Variants in LAMA5 observed in about 807,000 individuals in gnomAD.
LAMA5 encodes laminin subunit alpha 5.
Under a neutral mutation model 433.4 loss-of-function variants are expected in LAMA5, and 260 were observed. That is an observed-to-expected ratio of 0.60 (90% CI 0.54 to 0.66). The LOEUF is 0.66. Ranked by LOEUF, LAMA5 falls within the 30% of genes least tolerant of loss-of-function variation. The probability of loss-of-function intolerance (pLI) is 0.00; values close to 1 mark genes in which losing one functional copy is unlikely to be tolerated. For synonymous variants in LAMA5, 2,620 were observed against 2,226.6 expected (o/e 1.18, Z -4.97); for missense variants, 5,378 against 5,258.5 (o/e 1.02, Z -0.70).
At chr20:62,345,747 G>A (rs1046195263) in intron 11 of LAMA5, 71 bp downstream of exon 11, 3 of 1,109,946 alleles carry the variant, frequency 2.7e-6, no homozygotes, top group African/African-American at 3.1e-5. Flanking sequence ...CCTTTCTCCA[G>A]GAACTTTCTG....
rs1980959891 is a variant in LAMA5, at chr20:62,333,714, G to A, written c.2879-8C>T. The A allele has an allele frequency of 8.2e-6, 13 of 1,577,448 alleles. No individual in the cohort carries two copies. The highest frequency in any genetic ancestry group is 1.1e-5 in the Non-Finnish European group (13 of 1,162,686). ...GCTGACTCTGTGCTGTGCCTGGGCG[G>A]GGGCAGGGGTGAGACTCCTGAGCCC... On this transcript the variant is annotated splice_region_variant and splice_polypyrimidine_tract_variant and intron_variant, in intron 23 of 79. Coordinates refer to ENST00000252999, the MANE Select transcript of LAMA5 (RefSeq NM_005560.6).
chr20:62,328,946 T>C lies in LAMA5; in HGVS notation c.4345A>G (p.Thr1449Ala). 3 of 1,612,028 alleles carry C rather than the reference T, an allele frequency of 1.9e-6. No individual in the cohort carries two copies. The highest frequency in any genetic ancestry group is 2.5e-6 in the Non-Finnish European group (3 of 1,179,424). Residue 1449 changes from threonine (T) to alanine (A), a missense_variant, in exon 34 of 80, where the codon ACG becomes GCG. Transcript: ENST00000252999. ...GCHEVGATGP[T>A]CEPFGGQCPC... is the part of the protein sequence containing the mutation. ...CACTGGCCCCCGAAGGGCTCACACG[T>C]GGGGCCTGTAGCACCTACTTCGTGG...
At position 62,312,881 on chromosome 20, in the gene LAMA5, G is replaced by A. The variant is rs577870137; in HGVS notation, c.9078+7C>T. ...CCCTGCCACCCTGGTCCCCACCCTG[G>A]CCCTACCGCCTTGCTGGCCGAGGTC... On this transcript the variant is annotated splice_region_variant and intron_variant, in intron 66 of 79. Coordinates refer to ENST00000252999, the MANE Select transcript of LAMA5 (RefSeq NM_005560.6). The A allele has an allele frequency of 4.4e-6, 7 of 1,591,878 alleles. No homozygotes were observed. Among genetic ancestry groups the A allele is most frequent in the Middle Eastern group, 1.7e-4 (1 of 5,964 alleles).
At chr20:62,361,567 T>C (rs1305381979) in intron 2 of LAMA5, among the ~76,000 whole-genome samples, 2 of 152,212 alleles carry the variant, frequency 1.3e-5, no homozygotes, top group African/African-American at 4.8e-5. Context: ...AAGACCGATG[T>C]GTCACACACT....
Position 62,322,773 on chromosome 20 carries a change from C to A in LAMA5, c.6065-15G>T. 1 of 1,448,030 alleles carries A rather than the reference C, an allele frequency of 6.9e-7. No individual in the cohort carries two copies. The highest frequency in any genetic ancestry group is 9.1e-7 in the Non-Finnish European group (1 of 1,093,672). The allele number at this position is 1,448,030 out of a possible 1,614,324, so 89.7% of individuals were successfully genotyped here. A position where few individuals can be genotyped will look rare whatever the true frequency, so the allele number is the denominator to read the frequency against. The stretch of plus-strand genomic sequence containing the variant: ...ACAGTCGCACCCTGCAGAAGGGGTC[C>A]GTGACTGCAGCCCTGGGCCCTCTCA... On this transcript the variant is annotated splice_polypyrimidine_tract_variant and intron_variant, in intron 45 of 79. Transcript: ENST00000252999.
At chr20:62,315,336 C>A in intron 58 of LAMA5, 129 bp from the exon 59 acceptor site, 1 of 760,356 alleles carries the variant, frequency 1.3e-6, no homozygotes, top group East Asian at 2.7e-5. Context: ...GACCCTCACA[C>A]CCCGCTGCTC....
rs1161275001 is a variant in LAMA5 at position 62,355,220 on chromosome 20, G to GTGTGCCC, written c.451-1970_451-1969insGGGCACA. Reference sequence around the variant, plus strand: ...AGGGCCACCCACCACACCTCCTCGGGACCCTGACCCGCCAGTGCCCACTCC... The same window carrying GTGTGCCC: ...AGGGCCACCCACCACACCTCCTCGGGTGTGCCCACCCTGACCCGCCAGTGCCCACTCC... On this transcript the variant is annotated intron_variant, in intron 2 of 79. Transcript: ENST00000252999. 3.3e-5 allele frequency: 5 copies of GTGTGCCC among 152,306 alleles called. No individual in the cohort carries two copies. In the South Asian group the frequency reaches 6.2e-4, roughly 19 times the overall value. The allele number at this position is 152,306 out of a possible 1,614,324, so 9.4% of individuals were successfully genotyped here.
In LAMA5 at chr20:62,313,988, AGT is replaced by A. The variant is rs548815579; in HGVS notation, c.8505-188_8505-187del. Among the ~76,000 whole-genome samples the A allele has an allele frequency of 0.5, 8,725 of 17,432 alleles. 3,954 individuals carry two copies. The highest frequency in any genetic ancestry group is 0.87 in the East Asian group (644 of 744). The allele number at this position is 17,432 out of a possible 152,430, so 11.4% of individuals were successfully genotyped here. A position where few individuals can be genotyped will look rare whatever the true frequency, so the allele number is the denominator to read the frequency against. On this transcript the variant is annotated intron_variant, in intron 62 of 79. Transcript: ENST00000252999. The stretch of plus-strand genomic sequence containing the variant: ...CGAGTGGGCACAGAGACGGGTGGCG[AGT>A]GGGCACAGAGACGAGGGGTGGCGAG...
Position 62,310,949 on chromosome 20 carries a change from G to A in LAMA5, c.10234C>T (p.Leu3412Phe). The change falls in exon 74 of 80, where the codon CTC becomes TTC. Residue 3412 changes from leucine (L) to phenylalanine (F), a missense_variant. Transcript: ENST00000252999. Reference sequence around the variant, plus strand: ...GAGCGCTGGCGGCTCTGGGCGCGGAGCCGAGTCCCGAGGCCTTCCATCTGT... The same window carrying A: ...GAGCGCTGGCGGCTCTGGGCGCGGAACCGAGTCCCGAGGCCTTCCATCTGT... ...VAQMEGLGTR[L>F]RAQSRQRSRP... is the part of the protein sequence containing the mutation. The A allele has an allele frequency of 6.2e-7, 1 of 1,611,310 alleles. No homozygotes were observed. The highest frequency in any genetic ancestry group is 8.5e-7 in the Non-Finnish European group (1 of 1,179,540).
chr20:62,311,298 G>C lies in LAMA5; in HGVS notation c.9952C>G (p.Arg3318Gly). 1 of 1,582,880 alleles carries C rather than the reference G, an allele frequency of 6.3e-7. No individual in the cohort carries two copies. The highest frequency in any genetic ancestry group is 8.6e-7 in the Non-Finnish European group (1 of 1,167,326). ...LQATARKASR[R>G]SRQPARHPAC... ...GGATGCCGGGCGGGCTGACGGCTGCGGCGGGAGGCCTGGGGGCGTGGATGG... is the reference window on the plus strand; with the variant it reads ...GGATGCCGGGCGGGCTGACGGCTGCCGCGGGAGGCCTGGGGGCGTGGATGG... The change falls in exon 73 of 80, where the codon CGC becomes GGC. Residue 3318 changes from arginine to glycine, a missense_variant. Transcript: ENST00000252999.
chr20:62,314,619 C>A lies in LAMA5; in HGVS notation c.8303G>T (p.Gly2768Val), dbSNP rs779522938. 3 of 1,612,364 alleles carry A rather than the reference C, an allele frequency of 1.9e-6. No individual in the cohort carries two copies. The highest frequency in any genetic ancestry group is 1.7e-5 in the Admixed American group (1 of 59,988). ...AYTALKFYLQ[G>V]PEPEPGQGTE... ...ACCCTGCCCAGGCTCAGGCTCTGGG[C>A]CCTGCAGGTAGAACTTGAGGGCAGT... Residue 2768 changes from glycine (G) to valine (V), a missense_variant, in exon 61 of 80, where the codon GGC becomes GTC. Coordinates refer to ENST00000252999, the MANE Select transcript of LAMA5 (RefSeq NM_005560.6).
chr20:62,343,939 G>A (rs917070675), intron 11 of LAMA5, among the ~76,000 whole-genome samples: 1 of 151,684 alleles, frequency 6.6e-6, no homozygotes, highest in Non-Finnish European at 1.5e-5. Flanking sequence ...GAGGTTGGGA[G>A]TTCGAGACCA....
rs78780333 is a variant in LAMA5, at chr20:62,320,938, G to T, written c.6497-48C>A. 2.1e-3 allele frequency: 3,263 copies of T among 1,567,198 alleles called. 72 individuals are homozygous for T. The African/African-American group carries it at 0.039, about 19-fold the overall frequency. ...GGTCAGTGTCATTGGGTCAGGCCAG[G>T]GGAGAATGATCAGCTGGGGCCCTGG... On this transcript the variant is annotated intron_variant, in intron 48 of 79. Transcript: ENST00000252999.
rs144663732 is a variant in LAMA5, at chr20:62,337,274, G to C, written c.2164+316C>G. Among the ~76,000 whole-genome samples the C allele has an allele frequency of 6.9e-3, 1,050 of 152,126 alleles. 11 individuals are homozygous for C. Among genetic ancestry groups the C allele is most frequent in the African/African-American group, 0.023 (973 of 41,500 alleles). ...CCACGTGACACACAAACCCACTTAC[G>C]TGACACAGGCACCCACACTTAGGTG... is the stretch of plus-strand genomic sequence containing the variant. On this transcript the variant is annotated intron_variant, in intron 16 of 79. Coordinates refer to ENST00000252999, the MANE Select transcript of LAMA5 (RefSeq NM_005560.6).
chr20:62,362,180 C>T (rs934433898), intron 2 of LAMA5, among the ~76,000 whole-genome samples: 1 of 152,266 alleles, frequency 6.6e-6, no homozygotes, highest in African/African-American at 2.4e-5. Flanking sequence ...CACCCGCTTT[C>T]CCTGTGTCAT....
At chr20:62,310,335 G>T in intron 76 of LAMA5, 24 bp from the exon 77 acceptor site, 1 of 1,581,596 alleles carries the variant, frequency 6.3e-7, no homozygotes, top group Non-Finnish European at 8.6e-7. Flanking sequence ...TTGTGATGGA[G>T]AAGAAAGGGG....
chr20:62,310,739 C>G lies in LAMA5; in HGVS notation c.10372G>C (p.Gly3458Arg). The G allele has an allele frequency of 1.3e-6, 2 of 1,580,816 alleles. No individual in the cohort carries two copies. The highest frequency in any genetic ancestry group is 1.7e-6 in the Non-Finnish European group (2 of 1,166,440). The change falls in exon 75 of 80, where the codon GGG becomes CGG. Residue 3458 changes from glycine (G) to arginine (R), a missense_variant. By Grantham distance (125) the Gly-to-Arg change is moderately radical. Coordinates refer to ENST00000252999, the MANE Select transcript of LAMA5 (RefSeq NM_005560.6). ...GTGTGGGGCTGGGGGTGCTCTGCCCCCTGGTGCTGCCGGTGCGGCCCCTCC... is the reference window on the plus strand; with the variant it reads ...GTGTGGGGCTGGGGGTGCTCTGCCCGCTGGTGCTGCCGGTGCGGCCCCTCC... Reference protein sequence around the residue: ...SQEGPHRQHQGAEHPQPHTLF... With the variant: ...SQEGPHRQHQRAEHPQPHTLF...
At chr20:62,318,333 G>GGAGGGGAGGACGGAGGGAGGGGAGGAC in intron 53 of LAMA5, 121 bp downstream of exon 53, 1 of 450,334 alleles carries the variant, frequency 2.2e-6, no homozygotes, top group East Asian at 3.4e-5. Flanking sequence ...GGAGGACGAG[G>GGAGGGGAGGACGGAGGGAGGGGAGGAC]GAGGGGAGGA....
chr20:62,310,509 G>C lies in LAMA5; in HGVS notation c.10510C>G (p.Pro3504Ala). 1 of 1,555,138 alleles carries C rather than the reference G, an allele frequency of 6.4e-7. No homozygotes were observed. ...GGTGTGACCCCTGCCATCCGTGTGG[G>C]GGCCCCCAGGGGCCTCCCGTGCAGC... ...LRLHGRPLGA[P>A]TRMAGVTPCI... The change falls in exon 76 of 80, where the codon CCC becomes GCC. Residue 3504 changes from proline (P) to alanine (A), a missense_variant. Coordinates refer to ENST00000252999, the MANE Select transcript of LAMA5 (RefSeq NM_005560.6).
Sources: allele counts gnomAD v4.1 joint callset (sites outside exome capture counted in the v4.1 genomes callset), GRCh38; gene constraint gnomAD v4.1.1; transcripts MANE v1.5; gene names NCBI Gene and HGNC (gene_info 2026-07-23, HGNC 2026-07-21).